Variants in KMO observed in about 807,000 individuals in gnomAD.
The protein encoded by KMO is kynurenine 3-monooxygenase.
Under a neutral mutation model 57.8 loss-of-function variants are expected in KMO, and 24 were observed. The observed-to-expected ratio is 0.42, with a 90% CI of 0.30 to 0.58. The LOEUF (loss-of-function observed/expected upper bound fraction) is 0.58. Ranked by LOEUF, KMO falls within the 20% of genes least tolerant of loss-of-function variation. KMO has a pLI of 0.22. For synonymous variants in KMO, 210 were observed against 193.6 expected, an observed-to-expected ratio of 1.08 and a Z score of -0.70; for missense variants, 483 against 588.2, an observed-to-expected ratio of 0.82 and a Z score of 1.85.
Position 241,594,386 on chromosome 1 carries a change from C to T in KMO, c.*2233C>T. The T allele has an allele frequency of 6.3e-7, 1 of 1,584,916 alleles. No individual in the cohort carries two copies. Among genetic ancestry groups the T allele is most frequent in the South Asian group, 1.2e-5 (1 of 86,070 alleles). On this transcript the variant is annotated 3_prime_UTR_variant, in exon 15 of 15. Transcript: ENST00000366559. The stretch of plus-strand genomic sequence containing the variant: ...TCTTATGATGAAAGTCCAAAAGTGG[C>T]ATCCAATTTAAGGCCCCATCTTTCG...
Position 241,532,934 on chromosome 1 carries a change from ACATGAAG to A in KMO, c.54+438_54+444del, listed in dbSNP as rs575682824. On this transcript the variant is annotated intron_variant, in intron 1 of 14. Transcript: ENST00000366559. ...CTAATGAGAATAAAAGGGTCAAGAA[ACATGAAG>A]CTAACGTCAAAGTATCATGTTGAAT... Among the ~76,000 whole-genome samples, 105 of 152,358 alleles carry A rather than the reference ACATGAAG, an allele frequency of 6.9e-4. 1 individual carries two copies. In the South Asian group the frequency reaches 9.3e-3, roughly 14 times the overall value.
intron 10 of KMO, among the ~76,000 whole-genome samples, chr1:241,569,713 T>C (rs1662208231): frequency 6.6e-6 from 1 of 152,130 alleles, no homozygotes; most frequent in Non-Finnish European, 1.5e-5. Context: ...GTTTTATTTT[T>C]AGTTTGTTGA....
At chr1:241,565,150 T>G in intron 8 of KMO, 92 bp downstream of exon 8, 1 of 766,714 alleles carries the variant, frequency 1.3e-6, no homozygotes, top group South Asian at 1.6e-5. Flanking sequence ...TCTACCTAAT[T>G]GATCTCTTCA....
chr1:241,545,173 C>A (rs1043206614), intron 1 of KMO, among the ~76,000 whole-genome samples: 2 of 152,138 alleles, frequency 1.3e-5, no homozygotes, highest in Non-Finnish European at 2.9e-5. Context: ...GAAGCACTTA[C>A]TATGTTACAA....
At chr1:241,561,891 C>T (rs1372707476) in intron 6 of KMO, among the ~76,000 whole-genome samples, 1 of 152,200 alleles carries the variant, frequency 6.6e-6, no homozygotes, top group Non-Finnish European at 1.5e-5. Flanking sequence ...AGATTCTCCT[C>T]CTTCATGCAG....
chr1:241,551,186 T>C (rs949940298), intron 4 of KMO, 142 bp downstream of exon 4: 4 of 574,452 alleles, frequency 7.0e-6, no homozygotes, highest in Non-Finnish European at 1.2e-5. Flanking sequence ...ATACAGATAC[T>C]AGTTGGCAAG....
At chr1:241,585,264 T>A (rs1662927514) in intron 10 of KMO, among the ~76,000 whole-genome samples, 1 of 151,854 alleles carries the variant, frequency 6.6e-6, no homozygotes, top group Admixed American at 6.6e-5. Context: ...TAAATTAAAT[T>A]GGAATTTTAA....
chr1:241,564,838 C>T, intron 7 of KMO, 149 bp from the exon 8 acceptor site: 1 of 562,296 alleles, frequency 1.8e-6, no homozygotes, highest in Non-Finnish European at 3.1e-6. Context: ...TTTTCTAAGA[C>T]AACTTCTATT....
chr1:241,593,373 T>A lies in KMO; in HGVS notation c.*1220T>A, dbSNP rs752312199. ...CATCCTTCTTTAACAGGCTGCTGAG[T>A]CACTCAGAAATCCTTCAAACATGAT... is the stretch of plus-strand genomic sequence containing the variant. On this transcript the variant is annotated 3_prime_UTR_variant, in exon 15 of 15. Coordinates refer to ENST00000366559, the MANE Select transcript of KMO (RefSeq NM_003679.5). The A allele has an allele frequency of 4.5e-6, 2 of 442,030 alleles. No homozygotes were observed. The highest frequency in any genetic ancestry group is 1.4e-4 in the East Asian group (2 of 14,200). The allele number at this position is 442,030 out of a possible 1,614,324, so 27.4% of individuals were successfully genotyped here.
rs1327869619 is a variant in KMO at position 241,592,756 on chromosome 1, ATCT to A, written c.*604_*606del. 7 of 13,900 alleles carry A rather than the reference ATCT, an allele frequency of 5.0e-4. No individual in the cohort carries two copies. The highest frequency in any genetic ancestry group is 2.0e-3 in the African/African-American group (7 of 3,488). 0.9% of individuals were successfully genotyped at this position (13,900 alleles called of 1,614,324 possible). On this transcript the variant is annotated 3_prime_UTR_variant, in exon 15 of 15. Coordinates refer to ENST00000366559, the MANE Select transcript of KMO (RefSeq NM_003679.5). ...TCTATCATCTATCTATCTATCTATC[ATCT>A]ATCTATCTATCTATCTATCTATCTA...
chr1:241,572,917 C>T (rs953081582), intron 10 of KMO, among the ~76,000 whole-genome samples: 18 of 152,142 alleles, frequency 1.2e-4, no homozygotes, highest in African/African-American at 3.9e-4. Flanking sequence ...AGTCATTTCA[C>T]TTAAAATATT....
At chr1:241,561,645 A>C (rs891145948) in intron 6 of KMO, among the ~76,000 whole-genome samples, 1 of 152,234 alleles carries the variant, frequency 6.6e-6, no homozygotes, top group Non-Finnish European at 1.5e-5. Context: ...AACTCTTCAT[A>C]CATCATTCCC....
chr1:241,587,466 CT>C (rs911070834), intron 11 of KMO, among the ~76,000 whole-genome samples: 10 of 149,746 alleles, frequency 6.7e-5, no homozygotes, highest in Non-Finnish European at 1.0e-4. Context: ...GCATCTAATA[CT>C]TTTTTTTTTG....
At chr1:241,539,033 C>A (rs376269003) in intron 1 of KMO, among the ~76,000 whole-genome samples, 1 of 152,064 alleles carries the variant, frequency 6.6e-6, no homozygotes, top group East Asian at 1.9e-4. Context: ...TAATCTAAGC[C>A]GGTATTTTTT....
chr1:241,549,885 A>G (rs1036096702), intron 3 of KMO, 111 bp downstream of exon 3: 11 of 722,756 alleles, frequency 1.5e-5, no homozygotes, highest in Non-Finnish European at 2.5e-5. Context: ...GAATCTCTGC[A>G]TGAAAACTCA....
chr1:241,556,362 C>T (rs576916913), intron 5 of KMO, among the ~76,000 whole-genome samples: 16 of 152,188 alleles, frequency 1.1e-4, no homozygotes, highest in Admixed American at 9.2e-4. Flanking sequence ...TCTTGAACTC[C>T]TGGCTCAAGT....
At chr1:241,533,326 C>T in intron 1 of KMO, among the ~76,000 whole-genome samples, 1 of 152,186 alleles carries the variant, frequency 6.6e-6, no homozygotes, top group East Asian at 1.9e-4. Context: ...ATTAATTATT[C>T]ATATATCCAC....
At chr1:241,556,628 C>A (rs555858796) in intron 5 of KMO, among the ~76,000 whole-genome samples, 1 of 152,274 alleles carries the variant, frequency 6.6e-6, no homozygotes, top group Non-Finnish European at 1.5e-5. Context: ...GCCTGTAATC[C>A]CAGCACATTG....
intron 7 of KMO, among the ~76,000 whole-genome samples, chr1:241,564,666 G>A (rs909034169): frequency 1.3e-5 from 2 of 151,722 alleles, no homozygotes; most frequent in Non-Finnish European, 2.9e-5. Flanking sequence ...TATATACCAG[G>A]TATAATTATA....
Sources: allele counts gnomAD v4.1 joint callset (sites outside exome capture counted in the v4.1 genomes callset), GRCh38; gene constraint gnomAD v4.1.1; transcripts MANE v1.5; gene names NCBI Gene and HGNC (gene_info 2026-07-23, HGNC 2026-07-21).